Variants in IMMP2L observed in about 807,000 individuals in gnomAD.
IMMP2L encodes the protein mitochondrial inner membrane protease subunit 2.
In IMMP2L, 18 loss-of-function variants were observed where a neutral mutation model predicts 19.3. The observed-to-expected ratio is 0.93, with a 90% confidence interval of 0.64 to 1.38. The LOEUF (loss-of-function observed/expected upper bound fraction) is 1.38, where lower values mean the gene tolerates loss of function less well. Among genes scored for constraint, IMMP2L ranks in the 40% most tolerant of loss-of-function variants. The pLI is 0.00. For synonymous variants in IMMP2L, 76 were observed against 73.0 expected, an observed-to-expected ratio of 1.04 and a Z score of -0.21; for missense variants, 233 against 218.2, an observed-to-expected ratio of 1.07 and a Z score of -0.43.
At chr7:110,844,018 G>C (rs527485742) in intron 5 of IMMP2L, among the ~76,000 whole-genome samples, 3 of 152,110 alleles carry the variant, frequency 2.0e-5, no homozygotes, top group Non-Finnish European at 4.4e-5. Flanking sequence ...GTGAAGCCTG[G>C]AGCCTTTGGA....
At chr7:110,745,546 G>A (rs958490884) in intron 5 of IMMP2L, among the ~76,000 whole-genome samples, 1 of 152,218 alleles carries the variant, frequency 6.6e-6, no homozygotes, top group Admixed American at 6.5e-5. Context: ...GACTAACAGT[G>A]GATCTCTCTG....
intron 3 of IMMP2L, among the ~76,000 whole-genome samples, chr7:111,019,440 T>A (rs1826054528): frequency 6.6e-6 from 1 of 151,786 alleles, no homozygotes; most frequent in African/African-American, 2.4e-5. Context: ...TGGTTGAGAG[T>A]CACAACCCCA....
intron 4 of IMMP2L, among the ~76,000 whole-genome samples, chr7:110,928,254 T>A (rs1242199145): frequency 6.6e-6 from 1 of 151,508 alleles, no homozygotes; most frequent in African/African-American, 2.4e-5. Flanking sequence ...AAATATTAGC[T>A]CTTCTGTTTT....
chr7:111,482,066 T>C (rs1419548409), intron 3 of IMMP2L, among the ~76,000 whole-genome samples: 1 of 152,110 alleles, frequency 6.6e-6, no homozygotes, highest in Non-Finnish European at 1.5e-5. Flanking sequence ...AAGAAACAGG[T>C]AGCATTTTAG....
intron 5 of IMMP2L, among the ~76,000 whole-genome samples, chr7:110,833,720 A>G (rs1284996969): frequency 6.6e-6 from 1 of 152,220 alleles, no homozygotes; most frequent in Non-Finnish European, 1.5e-5. Flanking sequence ...TGACAAATTC[A>G]GGATAAATTT....
At chr7:111,076,583 G>C (rs1795434389) in intron 3 of IMMP2L, among the ~76,000 whole-genome samples, 1 of 152,156 alleles carries the variant, frequency 6.6e-6, no homozygotes, top group African/African-American at 2.4e-5. Flanking sequence ...CCCAGCCTCT[G>C]CTGTTGGGAC....
intron 3 of IMMP2L, among the ~76,000 whole-genome samples, chr7:111,402,036 G>A (rs1833464021): frequency 6.6e-6 from 1 of 151,510 alleles, no homozygotes; most frequent in African/African-American, 2.4e-5. Context: ...CTTGAGCCCA[G>A]GAGTTCAAGG....
intron 3 of IMMP2L, among the ~76,000 whole-genome samples, chr7:111,450,494 C>T (rs1306889073): frequency 6.6e-6 from 1 of 151,654 alleles, no homozygotes; most frequent in East Asian, 1.9e-4. Context: ...GCTGGGAAAA[C>T]TGGCTAGCCA....
At chr7:111,559,795 G>C (rs975593050) in intron 1 of IMMP2L, among the ~76,000 whole-genome samples, 5 of 151,908 alleles carry the variant, frequency 3.3e-5, no homozygotes, top group Non-Finnish European at 7.4e-5. Context: ...GTTCTGTTTT[G>C]ATGGATAAGA....
intron 4 of IMMP2L, among the ~76,000 whole-genome samples, chr7:110,930,319 GTT>G (rs34021196): frequency 3.4e-5 from 5 of 148,090 alleles, no homozygotes; most frequent in East Asian, 2.0e-4. Context: ...TCATTAACAT[GTT>G]TTTTTTTTTC....
intron 3 of IMMP2L, among the ~76,000 whole-genome samples, chr7:111,179,313 A>C (rs1001048095): frequency 3.9e-5 from 6 of 152,116 alleles, no homozygotes; most frequent in Non-Finnish European, 7.4e-5. Flanking sequence ...CATGCAGCCC[A>C]GGACAGCTTT....
intron 3 of IMMP2L, among the ~76,000 whole-genome samples, chr7:111,220,931 C>A (rs1812445884): frequency 1.3e-5 from 2 of 151,956 alleles, no homozygotes; most frequent in South Asian, 4.2e-4. Flanking sequence ...TCTATTCAGG[C>A]CCTCAATAGA....
At chr7:111,190,540 G>A (rs541649302) in intron 3 of IMMP2L, among the ~76,000 whole-genome samples, 44 of 152,218 alleles carry the variant, frequency 2.9e-4, no homozygotes, top group Middle Eastern at 3.4e-3. Flanking sequence ...CAATAGGAAC[G>A]TAAGGTAGAG....
intron 2 of IMMP2L, among the ~76,000 whole-genome samples, chr7:111,503,735 A>G (rs1844567196): frequency 6.6e-6 from 1 of 152,152 alleles, no homozygotes; most frequent in Admixed American, 6.5e-5. Context: ...GATTATCTCA[A>G]TAGATGCAGA....
intron 3 of IMMP2L, among the ~76,000 whole-genome samples, chr7:111,054,896 A>G (rs1359636641): frequency 3.3e-5 from 5 of 152,214 alleles, no homozygotes; most frequent in African/African-American, 4.8e-5. Flanking sequence ...GTAAAGTTAC[A>G]GGCTCAATCT....
At chr7:110,795,482 T>A (rs1326128244) in intron 5 of IMMP2L, among the ~76,000 whole-genome samples, 3 of 152,104 alleles carry the variant, frequency 2.0e-5, no homozygotes, top group Non-Finnish European at 4.4e-5. Flanking sequence ...TGAAGTTACA[T>A]CCTCTCTTGA....
At chr7:111,360,277 T>C (rs766492505) in intron 3 of IMMP2L, among the ~76,000 whole-genome samples, 1 of 152,216 alleles carries the variant, frequency 6.6e-6, no homozygotes, top group Non-Finnish European at 1.5e-5. Context: ...TATTAAAATG[T>C]AACACTTTTG....
At chr7:111,013,198 A>C (rs1003838481) in intron 3 of IMMP2L, among the ~76,000 whole-genome samples, 1 of 152,176 alleles carries the variant, frequency 6.6e-6, no homozygotes, top group Admixed American at 6.6e-5. Context: ...AAAAGACCTT[A>C]TAAGCCACGA....
chr7:111,134,159 TAG>T (rs1491251314), intron 3 of IMMP2L, among the ~76,000 whole-genome samples: 3 of 152,028 alleles, frequency 2.0e-5, no homozygotes, highest in African/African-American at 7.2e-5. Flanking sequence ...ATATGTTACA[TAG>T]AGTTTAATGA....
Sources: gnomAD v4.1 joint callset for allele counts (sites outside exome capture counted in the v4.1 genomes callset) on GRCh38, gnomAD v4.1.1 for gene constraint, MANE v1.5 for transcripts, NCBI Gene and HGNC (gene_info 2026-07-23, HGNC 2026-07-21) for gene names.